TENM3: variants seen among roughly 807,000 people sequenced by gnomAD.
TENM3 encodes the protein teneurin transmembrane protein 3.
TENM3 carries 63 observed loss-of-function variants against 255.1 expected under a neutral mutation model. The observed-to-expected ratio is 0.25, with a 90% CI of 0.20 to 0.30. The LOEUF is 0.30. Ranked by LOEUF, TENM3 falls within the 10% of genes least tolerant of loss-of-function variation. The pLI, the probability that TENM3 is intolerant of heterozygous loss-of-function variation, is 1.00. For synonymous variants in TENM3, 1,306 were observed against 1,322.3 expected (o/e 0.99, Z 0.27); for missense variants, 2,929 against 3,461.1 (o/e 0.85, Z 3.86).
chr4:181,484,891 A>T, the TENM3 span, among the ~76,000 whole-genome samples: 1 of 152,172 alleles, frequency 6.6e-6, no homozygotes, highest in Non-Finnish European at 1.5e-5. Flanking sequence ...TTAAATATTG[A>T]TATAAAGAGT....
At chr4:182,223,783 CA>C (rs61535632) in intron 1 of TENM3, among the ~76,000 whole-genome samples, 140 of 112,952 alleles carry the variant, frequency 1.2e-3, no homozygotes, top group East Asian at 0.012. Context: ...GATAGATTGG[CA>C]AAAAAAAAAA....
chr4:182,660,040 T>A (rs1008895094), intron 6 of TENM3, among the ~76,000 whole-genome samples: 2 of 152,168 alleles, frequency 1.3e-5, no homozygotes, highest in African/African-American at 4.8e-5. Flanking sequence ...CATAGAATGG[T>A]CTTTGGTCTT....
At chr4:181,552,337 TGATG>T in the TENM3 span, among the ~76,000 whole-genome samples, 1 of 152,206 alleles carries the variant, frequency 6.6e-6, no homozygotes, top group African/African-American at 2.4e-5. Flanking sequence ...TTAAAATATA[TGATG>T]GCATATCGTT....
At chr4:182,154,621 C>T (rs1267217049) in intron 1 of TENM3, among the ~76,000 whole-genome samples, 1 of 152,128 alleles carries the variant, frequency 6.6e-6, no homozygotes, top group Non-Finnish European at 1.5e-5. Context: ...GGCATTGATT[C>T]TTGCGGGGTA....
chr4:181,503,728 C>T, the TENM3 span, among the ~76,000 whole-genome samples: 6 of 152,120 alleles, frequency 3.9e-5, no homozygotes, highest in Admixed American at 1.3e-4. Context: ...AGTTAGTTTC[C>T]GCCAAATTAT....
chr4:182,413,877 T>C (rs1770185206), intron 3 of TENM3, among the ~76,000 whole-genome samples: 1 of 151,960 alleles, frequency 6.6e-6, no homozygotes, highest in African/African-American at 2.4e-5. Context: ...AGAAGACCTT[T>C]CAACCTAGTG....
At position 182,362,847 on chromosome 4, in the gene TENM3, T is replaced by G. The variant is rs994467226; in HGVS notation, c.511+15918T>G. On this transcript the variant is annotated intron_variant, in intron 3 of 27. Coordinates refer to ENST00000511685, the MANE Select transcript of TENM3 (RefSeq NM_001080477.4). ...GCTGGGAGCTGTAGACCGGAGCTGT[T>G]CCTATTCGGCCATCTTGGCTCCTCC... Among the ~76,000 whole-genome samples the G allele has an allele frequency of 8.5e-5, 13 of 152,348 alleles. No homozygotes were observed. The South Asian group carries it at 2.3e-3, about 27-fold the overall frequency.
chr4:182,253,621 GCTT>G (rs1411074179), intron 1 of TENM3, among the ~76,000 whole-genome samples: 1 of 152,092 alleles, frequency 6.6e-6, no homozygotes, highest in African/African-American at 2.4e-5. Flanking sequence ...AAAATTTTGA[GCTT>G]CTCCTTGTAA....
At chr4:182,666,198 G>T (rs1363924047) in intron 6 of TENM3, among the ~76,000 whole-genome samples, 1 of 152,192 alleles carries the variant, frequency 6.6e-6, no homozygotes, top group Non-Finnish European at 1.5e-5. Context: ...GTGGGTATTT[G>T]AGATGGAATT....
chr4:182,161,873 GTATA>G (rs369293061), intron 1 of TENM3, among the ~76,000 whole-genome samples: 2 of 28,236 alleles, frequency 7.1e-5, no homozygotes, highest in Admixed American at 8.4e-4. Flanking sequence ...GTATATATGT[GTATA>G]TATATACACA....
chr4:182,769,817 C>T (rs1358826568), intron 22 of TENM3, among the ~76,000 whole-genome samples: 2 of 143,382 alleles, frequency 1.4e-5, no homozygotes, highest in African/African-American at 5.2e-5. Context: ...AAAGAACAGT[C>T]CTTTTGGCCG....
chr4:181,844,059 C>T, the TENM3 span, among the ~76,000 whole-genome samples: 1 of 151,842 alleles, frequency 6.6e-6, no homozygotes, highest in African/African-American at 2.4e-5. Flanking sequence ...TGGTGGAAGG[C>T]GGAAGGGCAA....
chr4:182,604,887 A>AT (rs1323744621), intron 4 of TENM3, among the ~76,000 whole-genome samples: 1 of 152,142 alleles, frequency 6.6e-6, no homozygotes, highest in Non-Finnish European at 1.5e-5. Context: ...TTATTAGTGC[A>AT]TTTTTTATTT....
At position 182,235,667 on chromosome 4, in the gene TENM3, G is replaced by A. The variant is rs553714342; in HGVS notation, c.-75-88279G>A. ...CTGGAACTACTACACACGACCACAC[G>A]GGAGCCATCTCTCACAAGCTGGAAC... On this transcript the variant is annotated intron_variant, in intron 1 of 2. Coordinates refer to the TENM3 transcript ENST00000512480. Among the ~76,000 whole-genome samples the A allele has an allele frequency of 7.2e-5, 11 of 152,142 alleles. No homozygotes were observed. The East Asian group carries it at 9.7e-4, about 13-fold the overall frequency.
intron 1 of TENM3, among the ~76,000 whole-genome samples, chr4:182,269,676 T>C (rs1354384130): frequency 1.3e-5 from 2 of 152,076 alleles, no homozygotes; most frequent in Non-Finnish European, 2.9e-5. Context: ...GAGGATTATC[T>C]AATCCATATC....
In TENM3 at chr4:182,166,183, T is replaced by C. The variant is rs116709242; in HGVS notation, c.-76+21429T>C. ...ATTTAATGTGGCTGTTTCGTAAAGA[T>C]ACCTTCTCAGAGACATCGTCAAAGA... On this transcript the variant is annotated intron_variant, in intron 1 of 2. Coordinates refer to the TENM3 transcript ENST00000512480. 2.3e-3 allele frequency among the ~76,000 whole-genome samples: 352 copies of C among 152,374 alleles called. 1 individual carries two copies. The highest frequency in any genetic ancestry group is 8.2e-3 in the African/African-American group (343 of 41,584).
chr4:182,572,201 C>G (rs1744453129), intron 3 of TENM3, among the ~76,000 whole-genome samples: 1 of 152,154 alleles, frequency 6.6e-6, no homozygotes, highest in African/African-American at 2.4e-5. Context: ...TGCGCCCGGC[C>G]AATATTACTG....
the TENM3 span, among the ~76,000 whole-genome samples, chr4:181,844,126 G>T: frequency 6.6e-6 from 1 of 152,026 alleles, no homozygotes; most frequent in East Asian, 1.9e-4. Context: ...TTCTATTGGA[G>T]CCCACTGCCA....
At chr4:182,297,757 T>A (rs754062014) in intron 1 of TENM3, among the ~76,000 whole-genome samples, 6 of 152,204 alleles carry the variant, frequency 3.9e-5, no homozygotes, top group Non-Finnish European at 8.8e-5. Flanking sequence ...GTGATACAAG[T>A]GGAGTATAGA....
Sources: allele counts gnomAD v4.1 joint callset (sites outside exome capture counted in the v4.1 genomes callset), GRCh38; gene constraint gnomAD v4.1.1; transcripts MANE v1.5; gene names NCBI Gene and HGNC (gene_info 2026-07-23, HGNC 2026-07-21).